The following CFAP46 variants were observed in gnomAD, a reference collection of about 807,000 sequenced individuals.
The protein encoded by CFAP46 is cilia and flagella associated protein 46.
CFAP46 carries 245 observed loss-of-function variants against 325.7 expected under a neutral mutation model. The observed-to-expected ratio is 0.75, with a 90% CI of 0.68 to 0.84. The LOEUF (loss-of-function observed/expected upper bound fraction) is 0.84, where lower values mean the gene tolerates loss of function less well. Among genes scored for constraint, CFAP46 ranks in the 40% least tolerant of loss-of-function variants. CFAP46 has a pLI of 0.00. For synonymous variants in CFAP46, 1,523 were observed against 1,495.9 expected (o/e 1.02, Z -0.42); for missense variants, 3,346 against 3,543.0 (o/e 0.94, Z 1.41).
Position 132,919,206 on chromosome 10 carries a change from T to C in CFAP46, c.1858+109A>G. The C allele has an allele frequency of 8.4e-7, 1 of 1,186,146 alleles. No individual in the cohort carries two copies. Among genetic ancestry groups the C allele is most frequent in the Non-Finnish European group, 1.1e-6 (1 of 877,028 alleles). 73.5% of individuals were successfully genotyped at this position (1,186,146 alleles called of 1,614,324 possible). The stretch of plus-strand genomic sequence containing the variant: ...TACCATTGTGACTTAGCAATACGCT[T>C]TCTCATGCGAAGGCCCCATGGGTTG... On this transcript the variant is annotated intron_variant, in intron 15 of 57. Coordinates refer to ENST00000368586, the MANE Select transcript of CFAP46 (RefSeq NM_001200049.3). The surrounding 1 kb of genome is among the most constrained non-coding windows in gnomAD (Gnocchi z 9.7).
At chr10:132,895,742 C>T (rs1162354035) in intron 24 of CFAP46, among the ~76,000 whole-genome samples, 1 of 152,210 alleles carries the variant, frequency 6.6e-6, no homozygotes, top group Non-Finnish European at 1.5e-5. Flanking sequence ...CCCCAAAATT[C>T]ATATCCTGAG....
Position 132,869,275 on chromosome 10 carries a change from TG to T in CFAP46, c.4608del (p.Ser1537AlafsTer8). ...GQVCVSELEQ[A>X]SCRKEIALKK... ...GGCGCAGGGTGGGACGGCACACACCTGGCCTGCTCCAGCTCGCTGACGCACA... is the reference window on the plus strand; with the variant it reads ...GGCGCAGGGTGGGACGGCACACACCTGCCTGCTCCAGCTCGCTGACGCACA... On this transcript the variant is annotated frameshift_variant and splice_region_variant, in exon 33 of 58. Transcript: ENST00000368586. LOFTEE classifies it high-confidence loss of function. This position sits in a 1 kb window ranked among gnomAD's most constrained non-coding sequence, Gnocchi z 6.2. 1 of 1,533,622 alleles carries T rather than the reference TG, an allele frequency of 6.5e-7. No individual in the cohort carries two copies. Among genetic ancestry groups the T allele is most frequent in the African/African-American group, 1.4e-5 (1 of 72,658 alleles).
intron 35 of CFAP46, among the ~76,000 whole-genome samples, chr10:132,863,358 G>A (rs1456903941): frequency 6.6e-6 from 1 of 152,152 alleles, no homozygotes; most frequent in African/African-American, 2.4e-5. Flanking sequence ...CCCCAGCAGA[G>A]GCTGGCCCTC....
chr10:132,916,264 A>G (rs1225669298), intron 17 of CFAP46, among the ~76,000 whole-genome samples: 1 of 152,194 alleles, frequency 6.6e-6, no homozygotes, highest in Admixed American at 6.5e-5. Context: ...CAAGAGGGAC[A>G]CTACAGGACG....
Position 132,833,451 on chromosome 10 carries a change from C to T in CFAP46, c.7024G>A (p.Gly2342Ser). ...GTCCCTTCATCGAACACAGAGAGAC[C>T]TTCCAGTGGCAGCTCCAGGAGATGT... is the stretch of plus-strand genomic sequence containing the variant. ...DRHLLELPLE[G>S]LSVFDEGTIS... The change falls in exon 50 of 58, where the codon GGT becomes AGT. Residue 2342 changes from glycine (G) to serine (S), a missense_variant. Gly to Ser is a moderately conservative substitution (Grantham distance 56). Transcript: ENST00000368586. 6.2e-7 allele frequency: 1 copy of T among 1,614,180 alleles called. No individual in the cohort carries two copies. The highest frequency in any genetic ancestry group is 8.5e-7 in the Non-Finnish European group (1 of 1,180,034).
intron 35 of CFAP46, among the ~76,000 whole-genome samples, chr10:132,864,617 G>A (rs1248215695): frequency 2.6e-5 from 3 of 114,858 alleles, no homozygotes; most frequent in Non-Finnish European, 5.2e-5. Flanking sequence ...CTCAGTGCCC[G>A]AGACTTGCAC....
In CFAP46 at chr10:132,827,966, C is replaced by G. The variant is rs1848087057; in HGVS notation, c.7117+5392G>C. ...CGTAATCCTTCTGAGTGAGCCCCGT[C>G]ACCCCTCAGCGTAATCCTTCTGAGC... On this transcript the variant is annotated intron_variant, in intron 50 of 57. Transcript: ENST00000368586. This position sits in a 1 kb window ranked among gnomAD's most constrained non-coding sequence, Gnocchi z 5.7. Among the ~76,000 whole-genome samples, 1 of 150,876 alleles carries G rather than the reference C, an allele frequency of 6.6e-6. No homozygotes were observed. Among genetic ancestry groups the G allele is most frequent in the African/African-American group, 2.4e-5 (1 of 41,024 alleles).
At chr10:132,918,577 C>A in intron 15 of CFAP46, 57 bp from the exon 16 acceptor site, 2 of 1,476,716 alleles carry the variant, frequency 1.4e-6, no homozygotes, top group Admixed American at 2.2e-5. Context: ...TAAATAAAAA[C>A]ACAAGAATTC....
intron 10 of CFAP46, among the ~76,000 whole-genome samples, chr10:132,926,288 C>T (rs1255583860): frequency 2.0e-5 from 3 of 152,314 alleles, no homozygotes; most frequent in African/African-American, 7.2e-5. Flanking sequence ...GGGGCAGCTC[C>T]GTGGGGGCTG....
In CFAP46 at chr10:132,874,276, A is replaced by G. The variant is rs187887442; in HGVS notation, c.4363-1452T>C. 8.5e-4 allele frequency among the ~76,000 whole-genome samples: 130 copies of G among 152,386 alleles called. 1 individual carries two copies. The highest frequency in any genetic ancestry group is 3.0e-3 in the African/African-American group (124 of 41,594). On this transcript the variant is annotated intron_variant, in intron 31 of 57. Coordinates refer to ENST00000368586, the MANE Select transcript of CFAP46 (RefSeq NM_001200049.3). ...AAGCTGGTGACATAAAGTGAGTGAC[A>G]GCACAGCCAAGCTGCCCTATTGTGA...
In CFAP46 at chr10:132,919,291, A is replaced by G. The variant is rs779142897; in HGVS notation, c.1858+24T>C. 23 of 1,543,646 alleles carry G rather than the reference A, an allele frequency of 1.5e-5. No individual in the cohort carries two copies. In the South Asian group the frequency reaches 2.6e-4, roughly 18 times the overall value. Reference sequence around the variant, plus strand: ...AGGGCGGCCGTGGCCAGGCTGGGACACACTCGTGAGGGCGGGTACGAACCT... The same window carrying G: ...AGGGCGGCCGTGGCCAGGCTGGGACGCACTCGTGAGGGCGGGTACGAACCT... On this transcript the variant is annotated intron_variant, in intron 15 of 57. Transcript: ENST00000368586. The surrounding 1 kb of genome is among the most constrained non-coding windows in gnomAD (Gnocchi z 9.7).
intron 1 of CFAP46, 111 bp from the exon 2 acceptor site, chr10:132,942,215 C>G: frequency 7.1e-7 from 1 of 1,416,240 alleles, no homozygotes; most frequent in South Asian, 1.4e-5. Flanking sequence ...CGGGCCACAG[C>G]CACCGTCAGA....
Position 132,898,940 on chromosome 10 carries a change from C to T in CFAP46, c.3219+19G>A. 3 of 1,550,410 alleles carry T rather than the reference C, an allele frequency of 1.9e-6. No individual in the cohort carries two copies. The highest frequency in any genetic ancestry group is 1.7e-6 in the Non-Finnish European group (2 of 1,146,894). On this transcript the variant is annotated intron_variant, in intron 24 of 57. Coordinates refer to ENST00000368586, the MANE Select transcript of CFAP46 (RefSeq NM_001200049.3). ...GAGGCCTCAGTGGGAGTCAGGAGCC[C>T]CCTCCAGGGCTGGTGCACCTGCTTT...
chr10:132,824,966 G>A (rs1413917252), intron 50 of CFAP46, among the ~76,000 whole-genome samples: 9 of 132,500 alleles, frequency 6.8e-5, no homozygotes, highest in Admixed American at 2.2e-4. Flanking sequence ...TGCTGTGTGA[G>A]TGCTGATGTG....
At chr10:132,898,738 T>C in intron 24 of CFAP46, 1 of 666,494 alleles carries the variant, frequency 1.5e-6, no homozygotes, top group Non-Finnish European at 2.7e-6. Context: ...TGCATGTGTG[T>C]TGCTGGGAGA....
intron 50 of CFAP46, among the ~76,000 whole-genome samples, chr10:132,821,432 C>G (rs1296021001): frequency 8.2e-6 from 1 of 122,252 alleles, no homozygotes; most frequent in Non-Finnish European, 1.6e-5. Flanking sequence ...CTGATGTGTG[C>G]TGTGTGAGTG....
At chr10:132,811,057 G>A (rs1055927030) in intron 55 of CFAP46, 26 bp from the exon 56 acceptor site, 1 of 1,556,398 alleles carries the variant, frequency 6.4e-7, no homozygotes. Context: ...GGGCAGCTCA[G>A]CAGCCTTGGC....
chr10:132,840,151 C>T (rs7089500), intron 44 of CFAP46, among the ~76,000 whole-genome samples: 103,756 of 152,190 alleles, frequency 0.68, 36,345 homozygotes, highest in African/African-American at 0.83. Flanking sequence ...TTAACAGACA[C>T]CGAATCATTT....
rs1850063417 is a variant in CFAP46, at chr10:132,939,377, C to G, written c.372-624G>C. Among the ~76,000 whole-genome samples the G allele has an allele frequency of 6.6e-6, 1 of 152,176 alleles. No individual in the cohort carries two copies. Among genetic ancestry groups the G allele is most frequent in the African/African-American group, 2.4e-5 (1 of 41,440 alleles). The stretch of plus-strand genomic sequence containing the variant: ...ACCCCTCTCAGGGGTCTGGGCCTCT[C>G]CCTGGGCAGCAGGGAGCATTGCAGG... On this transcript the variant is annotated intron_variant, in intron 4 of 57. Transcript: ENST00000368586. This position sits in a 1 kb window ranked among gnomAD's most constrained non-coding sequence, Gnocchi z 4.6.
Sources: gnomAD v4.1 joint callset for allele counts (sites outside exome capture counted in the v4.1 genomes callset) on GRCh38, gnomAD v4.1.1 for gene constraint, Gnocchi (gnomAD v3.1) non-coding constraint, MANE v1.5 for transcripts, NCBI Gene and HGNC (gene_info 2026-07-23, HGNC 2026-07-21) for gene names.